The following NMRK2 variants were observed in gnomAD, a reference collection of about 807,000 sequenced individuals.
NMRK2 encodes the protein nicotinamide riboside kinase 2, also known as NRK 2.
NMRK2 carries 34 observed loss-of-function variants against 24.7 expected under a neutral mutation model. The ratio of observed to expected loss-of-function variants is 1.37; its 90% CI spans 1.05 to 1.83. The LOEUF (loss-of-function observed/expected upper bound fraction) is 1.83. Ranked by LOEUF, NMRK2 falls within the 40% of genes most tolerant of loss-of-function variation. The pLI is 0.00. For missense variants in NMRK2, 341 were observed against 315.0 expected (o/e 1.08, Z -0.62); for synonymous variants, 145 against 125.6 (o/e 1.15, Z -1.03).
chr19:3,941,029 C>A, intron 6 of NMRK2, 42 bp from the exon 7 acceptor site: 1 of 1,321,158 alleles, frequency 7.6e-7, no homozygotes, highest in Non-Finnish European at 1.1e-6. Context: ...CTTAGCATCA[C>A]CCTTCTGTGC....
chr19:3,939,311 G>A lies in NMRK2; in HGVS notation c.323+552G>A, dbSNP rs374901452. On this transcript the variant is annotated intron_variant, in intron 5 of 7. Coordinates refer to ENST00000168977, the MANE Select transcript of NMRK2 (RefSeq NM_170678.3). ...ATGGATCACCTGAGGTCAGGAGTTC[G>A]AGACCAGCCTGGCCAACATGGCGAA... Among the ~76,000 whole-genome samples the A allele has an allele frequency of 5.3e-5, 8 of 151,874 alleles. 1 individual carries two copies. Among genetic ancestry groups the A allele is most frequent in the Non-Finnish European group, 7.4e-5 (5 of 67,974 alleles).
intron 5 of NMRK2, among the ~76,000 whole-genome samples, 195 bp from the exon 6 acceptor site, chr19:3,939,705 G>A (rs4806966): frequency 0.84 from 127,062 of 151,980 alleles, 53,628 homozygotes; most frequent in East Asian, 0.99. Context: ...GAGAAGAAGC[G>A]TGATTCAATT....
chr19:3,939,196 G>A (rs548568692), intron 5 of NMRK2, among the ~76,000 whole-genome samples: 6 of 146,038 alleles, frequency 4.1e-5, no homozygotes, highest in East Asian at 2.3e-4. Context: ...GAGCCACCAC[G>A]GGAAGTCAGG....
intron 4 of NMRK2, 82 bp from the exon 5 acceptor site, chr19:3,938,521 G>T (rs1237549720): frequency 2.4e-5 from 32 of 1,317,282 alleles, no homozygotes; most frequent in Admixed American, 8.4e-5. Context: ...GTCCCCTGGG[G>T]TCCGCCCTCC....
At chr19:3,934,795 C>T (rs547211235) in intron 2 of NMRK2, among the ~76,000 whole-genome samples, 20 of 152,092 alleles carry the variant, frequency 1.3e-4, no homozygotes, top group Non-Finnish European at 1.9e-4. Context: ...GTTGGCCAGG[C>T]TGGTCTCGAA....
rs1287239432 is a variant in NMRK2 at position 3,938,823 on chromosome 19, TTTTTTTTTTTTTTTTTTTTTGTTTTG to T, written c.323+80_323+105del. ...TCTGGGCGGGTATAGCCATCTCTTG[TTTTTTTTTTTTTTTTTTTTTGTTTTG>T]TTTTTTTTTTTTTTTGAGACAAGAG... On this transcript the variant is annotated intron_variant, in intron 5 of 7. Transcript: ENST00000168977. 54 of 262,400 alleles carry T rather than the reference TTTTTTTTTTTTTTTTTTTTTGTTTTG, an allele frequency of 2.1e-4. No individual in the cohort carries two copies. In the African/African-American group the frequency reaches 2.2e-3, roughly 11 times the overall value. 16.3% of individuals were successfully genotyped at this position (262,400 alleles called of 1,614,324 possible). A position where few individuals can be genotyped will look rare whatever the true frequency, so the allele number is the denominator to read the frequency against.
rs775187581 is a variant in NMRK2, at chr19:3,933,697, G to A, written c.26G>A (p.Gly9Asp). 17 of 1,451,126 alleles carry A rather than the reference G, an allele frequency of 1.2e-5. No homozygotes were observed. Among genetic ancestry groups the A allele is most frequent in the South Asian group, 9.5e-5 (7 of 73,594 alleles). The allele number at this position is 1,451,126 out of a possible 1,614,324, so 89.9% of individuals were successfully genotyped here. A position where few individuals can be genotyped will look rare whatever the true frequency, so the allele number is the denominator to read the frequency against. Residue 9 changes from glycine to aspartate, a missense_variant and splice_region_variant, in exon 2 of 8, where the codon GGC becomes GAC. By Grantham distance (94) the Gly-to-Asp change is moderately conservative. Coordinates refer to ENST00000168977, the MANE Select transcript of NMRK2 (RefSeq NM_170678.3). The part of the protein sequence containing the change: MKLIVGIG[G>D]MTNGGKTTLT... ...ATGAAGCTCATCGTGGGCATCGGAG[G>A]GTGAGCGCCGGGGGACCTGGTGGGC...
chr19:3,933,782 G>A (rs907232463), intron 2 of NMRK2, 85 bp downstream of exon 2: 3 of 1,293,058 alleles, frequency 2.3e-6, no homozygotes, highest in African/African-American at 3.1e-5. Flanking sequence ...ATGAATGGAG[G>A]GATGCCTGGC....
intron 6 of NMRK2, among the ~76,000 whole-genome samples, chr19:3,940,190 T>C (rs2145305394): frequency 7.0e-6 from 1 of 143,232 alleles, no homozygotes; most frequent in South Asian, 2.2e-4. Context: ...CTACTAAAAA[T>C]ACAAAAATTA....
intron 6 of NMRK2, 69 bp downstream of exon 6, chr19:3,940,040 C>T (rs1037292039): frequency 1.8e-5 from 25 of 1,403,724 alleles, no homozygotes; most frequent in East Asian, 1.4e-4. Flanking sequence ...GTGGAACCAG[C>T]GGTAACCTAG....
At chr19:3,940,553 T>C (rs991982283) in intron 6 of NMRK2, among the ~76,000 whole-genome samples, 4 of 151,320 alleles carry the variant, frequency 2.6e-5, no homozygotes, top group Non-Finnish European at 5.9e-5. Context: ...CTGGCCAACA[T>C]GGTGAAACCT....
rs115477365 is a variant in NMRK2, at chr19:3,939,994, C to T, written c.395+23C>T. ...AAGGTGCACTTGGTGTCTGGGGGTG[C>T]GGTGGGCTCCTGAGGGCCCTGTCTT... On this transcript the variant is annotated intron_variant, in intron 6 of 7. Coordinates refer to ENST00000168977, the MANE Select transcript of NMRK2 (RefSeq NM_170678.3). 1.1e-4 allele frequency: 172 copies of T among 1,601,850 alleles called. No homozygotes were observed. In the African/African-American group the frequency reaches 2.1e-3, roughly 19 times the overall value.
chr19:3,939,860 AGCTCACAGGTGCTGACC>A, intron 5 of NMRK2, 23 bp from the exon 6 acceptor site: 1 of 1,573,510 alleles, frequency 6.4e-7, no homozygotes, highest in Non-Finnish European at 8.7e-7. Flanking sequence ...GTTGAAGGAA[AGCTCACAGGTGCTGACC>A]GTGTCTCCCC....
chr19:3,936,417 G>C (rs553343310), intron 2 of NMRK2, among the ~76,000 whole-genome samples, 158 bp from the exon 3 acceptor site: 1 of 143,016 alleles, frequency 7.0e-6, no homozygotes, highest in South Asian at 2.2e-4. Flanking sequence ...CAAAAAAAAA[G>C]AAAAAGAATC....
intron 5 of NMRK2, 63 bp downstream of exon 5, chr19:3,938,822 G>GT (rs1178177619): frequency 0.017 from 3,079 of 183,304 alleles, 14 homozygotes; most frequent in Non-Finnish European, 0.02. Context: ...GCCATCTCTT[G>GT]TTTTTTTTTT....
At chr19:3,941,003 C>A in intron 6 of NMRK2, 68 bp from the exon 7 acceptor site, 1 of 1,042,280 alleles carries the variant, frequency 9.6e-7, no homozygotes, top group South Asian at 1.4e-5. Flanking sequence ...TTCAGGCCCC[C>A]CACCGGGGGT....
chr19:3,940,345 A>AG (rs2039309492), intron 6 of NMRK2, among the ~76,000 whole-genome samples: 1 of 148,430 alleles, frequency 6.7e-6, no homozygotes, highest in African/African-American at 2.5e-5. Context: ...CAAAAAAAAA[A>AG]AAAAAAAAAA....
At position 3,936,710 on chromosome 19, in the gene NMRK2, G is replaced by T. The variant is rs551640272; in HGVS notation, c.117+45G>T. The T allele has an allele frequency of 5.3e-6, 8 of 1,499,066 alleles. No homozygotes were observed. The East Asian group carries it at 1.5e-4, about 28-fold the overall frequency. 92.9% of individuals were successfully genotyped at this position (1,499,066 alleles called of 1,614,324 possible). On this transcript the variant is annotated intron_variant, in intron 3 of 7. Coordinates refer to ENST00000168977, the MANE Select transcript of NMRK2 (RefSeq NM_170678.3). ...GAGGTGGAGCTGAGAGGGGATGCAG[G>T]GTGGGCAGCCAGGCCCGGCCAGCCC...
intron 2 of NMRK2, 36 bp from the exon 3 acceptor site, chr19:3,936,539 A>T: frequency 6.8e-7 from 1 of 1,472,318 alleles, no homozygotes; most frequent in South Asian, 1.3e-5. Context: ...TCTTGGGGGG[A>T]GCCCAGGCAG....
Sources: gnomAD v4.1 joint callset for allele counts (sites outside exome capture counted in the v4.1 genomes callset) on GRCh38, gnomAD v4.1.1 for gene constraint, MANE v1.5 for transcripts, NCBI Gene and HGNC (gene_info 2026-07-23, HGNC 2026-07-21) for gene names.